OSBPL10: variants seen among roughly 807,000 people sequenced by gnomAD.
OSBPL10 encodes oxysterol binding protein like 10.
OSBPL10 carries 49 observed loss-of-function variants against 81.7 expected under a neutral mutation model. The observed-to-expected ratio is 0.60, with a 90% CI of 0.48 to 0.76. The LOEUF (loss-of-function observed/expected upper bound fraction) is 0.76, where lower values mean the gene tolerates loss of function less well. OSBPL10 is among the 30% of genes least tolerant of loss of function. The pLI is 0.00. For missense variants in OSBPL10, 923 were observed against 987.8 expected (o/e 0.93, Z 0.88); for synonymous variants, 419 against 383.6 (o/e 1.09, Z -1.08).
intron 4 of OSBPL10, among the ~76,000 whole-genome samples, chr3:31,809,817 G>A (rs890691565): frequency 6.6e-6 from 1 of 151,030 alleles, no homozygotes; most frequent in East Asian, 1.9e-4. Context: ...TCAAAAAATG[G>A]GATTGGAAAA....
At chr3:32,022,601 T>C (rs1022550310) in intron 2 of OSBPL10, among the ~76,000 whole-genome samples, 6 of 151,946 alleles carry the variant, frequency 3.9e-5, no homozygotes. Flanking sequence ...GCTTAGGCAA[T>C]GTGGTGAAAC....
At chr3:31,697,130 C>T (rs79717485) in intron 7 of OSBPL10, among the ~76,000 whole-genome samples, 4,409 of 152,274 alleles carry the variant, frequency 0.029, 104 homozygotes, top group African/African-American at 0.063. Flanking sequence ...CAGTTTGGGG[C>T]CTAAGTCTTA....
At chr3:31,725,040 G>A (rs546350624) in intron 6 of OSBPL10, among the ~76,000 whole-genome samples, 6 of 152,156 alleles carry the variant, frequency 3.9e-5, no homozygotes, top group Admixed American at 3.9e-4. Flanking sequence ...AACGTCACTT[G>A]GTTAAGAGAC....
chr3:31,869,038 T>C (rs543512164), intron 3 of OSBPL10, among the ~76,000 whole-genome samples: 2 of 152,308 alleles, frequency 1.3e-5, no homozygotes, highest in African/African-American at 4.8e-5. Context: ...GCACCAAAGG[T>C]GGTCAGGAGT....
At chr3:31,971,006 T>G (rs2125490406) in intron 1 of OSBPL10, among the ~76,000 whole-genome samples, 1 of 152,284 alleles carries the variant, frequency 6.6e-6, no homozygotes, top group South Asian at 2.1e-4. Flanking sequence ...TTCCTCCACC[T>G]GCGACTTCTG....
chr3:31,766,344 TTTG>T (rs1158601533), intron 4 of OSBPL10, among the ~76,000 whole-genome samples: 9 of 104,540 alleles, frequency 8.6e-5, no homozygotes, highest in African/African-American at 3.2e-4. Context: ...TTTGTTTTTT[TTTG>T]TTTTTTTTTT....
intron 1 of OSBPL10, among the ~76,000 whole-genome samples, chr3:31,930,682 AAC>A (rs1697213979): frequency 6.6e-6 from 1 of 152,132 alleles, no homozygotes; most frequent in South Asian, 2.1e-4. Flanking sequence ...ATCTTTAAAA[AAC>A]AGTGTAAGTG....
chr3:31,690,535 G>T (rs779110915), intron 7 of OSBPL10, among the ~76,000 whole-genome samples: 1 of 152,150 alleles, frequency 6.6e-6, no homozygotes, highest in Non-Finnish European at 1.5e-5. Context: ...AAAGAAAAAA[G>T]GTTCTACTGG....
intron 2 of OSBPL10, among the ~76,000 whole-genome samples, chr3:32,023,570 G>A (rs1575087373): frequency 6.6e-6 from 1 of 152,160 alleles, no homozygotes; most frequent in East Asian, 1.9e-4. Context: ...CCATGCTTGG[G>A]CCACCCACAA....
intron 5 of OSBPL10, among the ~76,000 whole-genome samples, chr3:31,738,916 A>T (rs566729414): frequency 1.3e-4 from 19 of 147,568 alleles, no homozygotes; most frequent in Non-Finnish European, 1.7e-4. Context: ...CATATATATT[A>T]AAAAAAAAAC....
rs1559476528 is a variant in OSBPL10 at position 31,812,811 on chromosome 3, A to AAAGAAAGAAAGAAAGAAAGAAAGG, written c.729+17228_729+17229insCCTTTCTTTCTTTCTTTCTTTCTT. Among the ~76,000 whole-genome samples, 4 of 59,140 alleles carry AAAGAAAGAAAGAAAGAAAGAAAGG rather than the reference A, an allele frequency of 6.8e-5. No individual in the cohort carries two copies. The East Asian group carries it at 2.3e-3, about 34-fold the overall frequency. 38.8% of individuals were successfully genotyped at this position (59,140 alleles called of 152,430 possible). ...GAAAGAAAGAAAGAAAGAAAGAAAG[A>AAAGAAAGAAAGAAAGAAAGAAAGG]AAGAAAGAGAAAGAAAGAAAGAAAG... On this transcript the variant is annotated intron_variant, in intron 4 of 11. Transcript: ENST00000396556.
intron 4 of OSBPL10, chr3:31,795,867 T>C (rs1308815700): frequency 2.1e-5 from 5 of 241,226 alleles, no homozygotes. Flanking sequence ...GTGAGGTATG[T>C]GGGAAATTAC....
intron 1 of OSBPL10, among the ~76,000 whole-genome samples, chr3:31,918,455 A>C (rs1264373863): frequency 6.6e-6 from 1 of 152,056 alleles, no homozygotes; most frequent in Admixed American, 6.6e-5. Flanking sequence ...CAGCCTCCTG[A>C]GGAGTGAGCT....
intron 3 of OSBPL10, among the ~76,000 whole-genome samples, chr3:31,873,043 A>T (rs1701370323): frequency 6.6e-6 from 1 of 152,222 alleles, no homozygotes; most frequent in Non-Finnish European, 1.5e-5. Context: ...TGCCAGTTGC[A>T]GAGGGGTCAG....
At chr3:31,684,748 G>A (rs1054766337) in intron 7 of OSBPL10, among the ~76,000 whole-genome samples, 8 of 152,240 alleles carry the variant, frequency 5.3e-5, no homozygotes, top group African/African-American at 1.9e-4. Flanking sequence ...CCACAGAGCT[G>A]CCGCAGACAA....
chr3:31,797,167 GTATCTT>G lies in OSBPL10; in HGVS notation c.729+32867_729+32872del, dbSNP rs1699246749. Among the ~76,000 whole-genome samples, 5 of 151,712 alleles carry G rather than the reference GTATCTT, an allele frequency of 3.3e-5. No individual in the cohort carries two copies. In the South Asian group the frequency reaches 1.0e-3, roughly 32 times the overall value. On this transcript the variant is annotated intron_variant, in intron 4 of 11. Transcript: ENST00000396556. ...GCGCCACGACGCCCAGCTAATTTTT[GTATCTT>G]TAGTAGAGACGGGTTTTACCATGTT...
chr3:31,945,337 C>A (rs1697669349), intron 1 of OSBPL10, among the ~76,000 whole-genome samples: 1 of 152,080 alleles, frequency 6.6e-6, no homozygotes, highest in Non-Finnish European at 1.5e-5. Flanking sequence ...ACATGGGGCT[C>A]CCAAAGTCAC....
rs748280796 is a variant in OSBPL10, at chr3:32,008,619, G to A, written n.298+37872C>T. Among the ~76,000 whole-genome samples the A allele has an allele frequency of 2.8e-4, 43 of 151,556 alleles. 1 individual carries two copies. The highest frequency in any genetic ancestry group is 2.0e-4 in the Admixed American group (3 of 15,228). On this transcript the variant is annotated intron_variant and non_coding_transcript_variant, in intron 2 of 3. Transcript: ENST00000479173. ...ACAAAAGCTAGCAGAGAGTGGTGTCGCATGCCTGCAGTCCTGGCTACTGGG... is the reference window on the plus strand; with the variant it reads ...ACAAAAGCTAGCAGAGAGTGGTGTCACATGCCTGCAGTCCTGGCTACTGGG...
chr3:31,929,155 T>C (rs1389256384), intron 1 of OSBPL10, among the ~76,000 whole-genome samples: 1 of 152,044 alleles, frequency 6.6e-6, no homozygotes, highest in Admixed American at 6.5e-5. Context: ...TCACATCTGA[T>C]AATATTCAAC....
Sources: allele counts gnomAD v4.1 joint callset (sites outside exome capture counted in the v4.1 genomes callset), GRCh38; gene constraint gnomAD v4.1.1; transcripts MANE v1.5; gene names NCBI Gene and HGNC (gene_info 2026-07-23, HGNC 2026-07-21).